Variants in RNF38 observed in about 807,000 individuals in gnomAD.
RNF38 encodes the protein E3 ubiquitin-protein ligase RNF38.
Under a neutral mutation model 67.2 loss-of-function variants are expected in RNF38, and 15 were observed. The observed-to-expected ratio is 0.22, with a 90% confidence interval of 0.15 to 0.34. RNF38 has a LOEUF of 0.34. RNF38 is among the 10% of genes least tolerant of loss of function. The pLI is 1.00. For missense variants in RNF38, 524 were observed against 639.9 expected, an observed-to-expected ratio of 0.82 and a Z score of 1.95; for synonymous variants, 220 against 218.8, an observed-to-expected ratio of 1.01 and a Z score of -0.05.
chr9:36,401,016 C>A (rs1837995941), upstream of RNF38: 4 of 984,688 alleles, frequency 4.1e-6, no homozygotes, highest in Non-Finnish European at 2.4e-6. Context: ...ACTCCCCTCG[C>A]CGCTAGGCCG....
chr9:36,455,247 G>A (rs966183268), intron 1 of RNF38, among the ~76,000 whole-genome samples: 13 of 151,546 alleles, frequency 8.6e-5, no homozygotes, highest in African/African-American at 2.9e-4. Flanking sequence ...TTTTAGTAGA[G>A]ACGGGCATTT....
At chr9:36,464,069 C>G (rs1839801645) in intron 1 of RNF38, among the ~76,000 whole-genome samples, 1 of 151,984 alleles carries the variant, frequency 6.6e-6, no homozygotes, top group African/African-American at 2.4e-5. Flanking sequence ...CAGGTTGAGG[C>G]AGGAGAATGG....
intron 1 of RNF38, among the ~76,000 whole-genome samples, chr9:36,447,995 A>G (rs565062190): frequency 1.1e-4 from 16 of 152,334 alleles, no homozygotes; most frequent in Non-Finnish European, 2.1e-4. Flanking sequence ...TCATCACTGT[A>G]ATATTGAAGC....
chr9:36,337,529 C>T lies in RNF38; in HGVS notation c.*2223G>A, dbSNP rs576334070. 1.3e-5 allele frequency: 2 copies of T among 152,746 alleles called. No homozygotes were observed. Among genetic ancestry groups the T allele is most frequent in the Admixed American group, 1.3e-4 (2 of 15,302 alleles). The allele number at this position is 152,746 out of a possible 1,614,324, so 9.5% of individuals were successfully genotyped here. A position where few individuals can be genotyped will look rare whatever the true frequency, so the allele number is the denominator to read the frequency against. On this transcript the variant is annotated 3_prime_UTR_variant, in exon 12 of 12. Transcript: ENST00000259605. ...ACCTCTATATAAATTAGAAAAAGTG[C>T]TTTACTTGCATGCTTCAATAAAATG...
At chr9:36,448,050 C>T (rs1488752214) in intron 1 of RNF38, among the ~76,000 whole-genome samples, 1 of 152,156 alleles carries the variant, frequency 6.6e-6, no homozygotes, top group Non-Finnish European at 1.5e-5. Flanking sequence ...TAAAGCTCAT[C>T]ACATCTACAA....
intron 1 of RNF38, among the ~76,000 whole-genome samples, chr9:36,466,686 T>C (rs1423506811): frequency 2.0e-5 from 3 of 152,168 alleles, no homozygotes; most frequent in African/African-American, 7.2e-5. Context: ...ACAATATATA[T>C]ACTATGGTCC....
At chr9:36,411,733 T>C (rs993565361) in intron 2 of RNF38, among the ~76,000 whole-genome samples, 3 of 151,798 alleles carry the variant, frequency 2.0e-5, no homozygotes, top group Non-Finnish European at 4.4e-5. Context: ...GACTAACTTT[T>C]GTATTTTTTT....
At chr9:36,444,902 G>A (rs1007246269) in intron 1 of RNF38, among the ~76,000 whole-genome samples, 7 of 148,022 alleles carry the variant, frequency 4.7e-5, no homozygotes, top group Non-Finnish European at 1.0e-4. Context: ...TCATACTGCA[G>A]CTTTAAGAGC....
Position 36,338,849 on chromosome 9 carries a change from C to T in RNF38, c.*903G>A, listed in dbSNP as rs1230283892. The T allele has an allele frequency of 6.6e-6, 1 of 152,466 alleles. No homozygotes were observed. Among genetic ancestry groups the T allele is most frequent in the Non-Finnish European group, 1.5e-5 (1 of 68,014 alleles). 9.4% of individuals were successfully genotyped at this position (152,466 alleles called of 1,614,324 possible). ...AACATTCAAATCACTGATTGAAATG[C>T]TAATATTGCTAACTGATGATATATG... On this transcript the variant is annotated 3_prime_UTR_variant, in exon 12 of 12. Coordinates refer to ENST00000259605, the MANE Select transcript of RNF38 (RefSeq NM_022781.5).
At chr9:36,407,697 C>T (rs962487289) in intron 2 of RNF38, among the ~76,000 whole-genome samples, 3 of 152,110 alleles carry the variant, frequency 2.0e-5, no homozygotes, top group African/African-American at 7.2e-5. Flanking sequence ...TGTTCTGTTC[C>T]GGAGAACAGA....
chr9:36,367,370 C>G (rs1835053949), intron 4 of RNF38, among the ~76,000 whole-genome samples: 1 of 152,140 alleles, frequency 6.6e-6, no homozygotes, highest in Non-Finnish European at 1.5e-5. Flanking sequence ...TTCCTTTTTA[C>G]ACTTTAAGAC....
chr9:36,401,272 C>T (rs1225975710), upstream of RNF38: 7 of 980,202 alleles, frequency 7.1e-6, no homozygotes, highest in African/African-American at 7.0e-5. Flanking sequence ...AACAGAGCTC[C>T]GCGCGCAGCA....
At chr9:36,438,079 C>A (rs1839110439) in intron 1 of RNF38, among the ~76,000 whole-genome samples, 1 of 152,114 alleles carries the variant, frequency 6.6e-6, no homozygotes, top group Non-Finnish European at 1.5e-5. Context: ...GTAGCTGGGA[C>A]TACAAGTGTG....
upstream of RNF38, among the ~76,000 whole-genome samples, chr9:36,403,980 TTG>T (rs200476236): frequency 4.0e-3 from 608 of 152,360 alleles, 3 homozygotes; most frequent in Middle Eastern, 6.8e-3. Context: ...GGTTTCAGGT[TTG>T]TGTTTCTAGT....
chr9:36,352,663 G>C (rs968764617), intron 8 of RNF38, 79 bp downstream of exon 8: 2 of 1,064,006 alleles, frequency 1.9e-6, no homozygotes, highest in Non-Finnish European at 2.9e-6. Flanking sequence ...AAAAGCTATA[G>C]ACACAAAGAC....
intron 2 of RNF38, among the ~76,000 whole-genome samples, chr9:36,387,621 TA>T (rs1335179491): frequency 6.6e-6 from 1 of 152,184 alleles, no homozygotes; most frequent in Admixed American, 6.5e-5. Context: ...ACCTATATGC[TA>T]AAAAAGTAAA....
intron 1 of RNF38, among the ~76,000 whole-genome samples, chr9:36,398,053 A>AT (rs1837673579): frequency 1.3e-5 from 2 of 152,196 alleles, no homozygotes; most frequent in Admixed American, 1.3e-4. Context: ...AAGAGGTATG[A>AT]TTGAGTTATA....
rs190419766 is a variant in RNF38, at chr9:36,436,289, A to T, written n.242-11606T>A. On this transcript the variant is annotated intron_variant and non_coding_transcript_variant, in intron 1 of 3. Transcript: ENST00000488058. ...CATTAAAAAATATCTAGGGAAGTCAAATGATCTCAATGGGAAAGCTGACAT... is the reference window on the plus strand; with the variant it reads ...CATTAAAAAATATCTAGGGAAGTCATATGATCTCAATGGGAAAGCTGACAT... Among the ~76,000 whole-genome samples the T allele has an allele frequency of 1.7e-3, 254 of 152,348 alleles. 1 individual carries two copies. The highest frequency in any genetic ancestry group is 6.8e-3 in the Middle Eastern group (2 of 294).
At chr9:36,339,965 A>C in intron 11 of RNF38, 151 bp from the exon 12 acceptor site, 2 of 666,894 alleles carry the variant, frequency 3.0e-6, no homozygotes, top group Non-Finnish European at 5.0e-6. Context: ...TTAACCCATA[A>C]ACCTCCGAAT....
Sources: gnomAD v4.1 joint callset for allele counts (sites outside exome capture counted in the v4.1 genomes callset) on GRCh38, gnomAD v4.1.1 for gene constraint, MANE v1.5 for transcripts, NCBI Gene and HGNC (gene_info 2026-07-23, HGNC 2026-07-21) for gene names.